ZNF384: variants seen among roughly 807,000 people sequenced by gnomAD.
ZNF384 encodes the protein CAG repeat protein 1.
Under a neutral mutation model 65.0 loss-of-function variants are expected in ZNF384, and 20 were observed. The ratio of observed to expected loss-of-function variants is 0.31; its 90% CI spans 0.22 to 0.45. ZNF384 has a LOEUF of 0.45. ZNF384 is among the 20% of genes least tolerant of loss of function. The pLI is 1.00. For synonymous variants in ZNF384, 310 were observed against 303.9 expected (o/e 1.02, Z -0.21); for missense variants, 549 against 769.4 (o/e 0.71, Z 3.39).
At chr12:6,679,599 TGAAG>T in intron 2 of ZNF384, 74 bp from the exon 3 acceptor site, 9 of 1,202,374 alleles carry the variant, frequency 7.5e-6, no homozygotes, top group Non-Finnish European at 9.7e-6. Flanking sequence ...GAAGGGGAAC[TGAAG>T]AGTTCCTGGT....
intron 2 of ZNF384, 104 bp from the exon 3 acceptor site, chr12:6,679,629 A>C: frequency 1.2e-6 from 1 of 843,390 alleles, no homozygotes; most frequent in Non-Finnish European, 1.9e-6. Context: ...CTGGCACCTG[A>C]TCACATGGCT....
In ZNF384 at chr12:6,669,409, G is replaced by A. The variant is rs967346316; in HGVS notation, c.1267-220C>T. On this transcript the variant is annotated intron_variant, in intron 10 of 11. Transcript: ENST00000683879. ...CAGGATCCCAAGACAGCTTATGCCC[G>A]TCTCACCAGTCCAGTGGTTCTTAAA... is the stretch of plus-strand genomic sequence containing the variant. Among the ~76,000 whole-genome samples the A allele has an allele frequency of 9.2e-5, 14 of 152,136 alleles. No individual in the cohort carries two copies. In the East Asian group the frequency reaches 2.1e-3, roughly 23 times the overall value.
rs942077367 is a variant in ZNF384, at chr12:6,678,603, G to A, written c.352+60C>T. 1.3e-6 allele frequency: 2 copies of A among 1,588,764 alleles called. No homozygotes were observed. Among genetic ancestry groups the A allele is most frequent in the African/African-American group, 1.4e-5 (1 of 72,346 alleles). On this transcript the variant is annotated intron_variant, in intron 5 of 11. Transcript: ENST00000683879. The surrounding 1 kb of genome is among the most constrained non-coding windows in gnomAD (Gnocchi z 4.9). The stretch of plus-strand genomic sequence containing the variant: ...GAGTACACAGGAAATCCCAAACCCT[G>A]TAGAAAAATAATGGTCTCCTAACCC...
intron 2 of ZNF384, among the ~76,000 whole-genome samples, chr12:6,685,935 A>G (rs1025371704): frequency 3.3e-5 from 5 of 152,156 alleles, no homozygotes; most frequent in Non-Finnish European, 5.9e-5. Context: ...TCAAGTATTA[A>G]TAATAGTCGT....
Position 6,667,764 on chromosome 12 carries a change from G to A in ZNF384, c.1777C>T (p.Leu593Phe), listed in dbSNP as rs989391443. The A allele has an allele frequency of 1.2e-6, 2 of 1,614,214 alleles. No homozygotes were observed. The highest frequency in any genetic ancestry group is 1.1e-5 in the South Asian group (1 of 91,090). ...KTAEHHKDIC[L>F]TVTTSTIQVE... ...TGGATGGTGCTGGTGGTGACAGTGA[G>A]GCAGATGTCCTTATGATGCTCCGCC... is the stretch of plus-strand genomic sequence containing the variant. Residue 593 changes from leucine to phenylalanine, a missense_variant, in exon 12 of 12, where the codon CTC becomes TTC. By Grantham distance (22) the Leu-to-Phe change is conservative (BLOSUM62 0). This residue lies in a region of ZNF384 where 136 missense variants were observed against 183.0 expected (regional missense o/e 0.74). Transcript: ENST00000683879.
At chr12:6,676,227 G>A (rs1184574846) in intron 7 of ZNF384, among the ~76,000 whole-genome samples, 3 of 152,136 alleles carry the variant, frequency 2.0e-5, no homozygotes, top group Non-Finnish European at 4.4e-5. Context: ...TTGAACCTGG[G>A]TGGCAGAAGT....
At chr12:6,685,908 AAAG>A (rs1758521371) in intron 2 of ZNF384, among the ~76,000 whole-genome samples, 2 of 152,196 alleles carry the variant, frequency 1.3e-5, no homozygotes, top group South Asian at 4.1e-4. Flanking sequence ...CTCAGGAGAT[AAAG>A]AAGAGAGACA....
At chr12:6,675,920 C>A (rs1379947424) in intron 7 of ZNF384, among the ~76,000 whole-genome samples, 2 of 152,114 alleles carry the variant, frequency 1.3e-5, no homozygotes, top group East Asian at 3.8e-4. Context: ...AACCCAACTG[C>A]CCCAATAGCC....
intron 2 of ZNF384, among the ~76,000 whole-genome samples, chr12:6,684,513 G>A (rs74057084): frequency 0.019 from 2,851 of 152,096 alleles, 108 homozygotes; most frequent in African/African-American, 0.065. Context: ...TAAAGAGGCC[G>A]GACTTTACAA....
In ZNF384 at chr12:6,668,052, C is replaced by G; in HGVS notation, c.1489G>C (p.Ala497Pro). The G allele has an allele frequency of 6.2e-7, 1 of 1,612,892 alleles. No homozygotes were observed. Among genetic ancestry groups the G allele is most frequent in the South Asian group, 1.1e-5 (1 of 90,988 alleles). ...NPPDLQQQVQ[A>P]AAAAAAVAQA... ...GCCACTGCTGCCGCTGCTGCTGCTG[C>G]CTGCACCTGTTGCTGAAGATCAGGC... The change falls in exon 12 of 12, where the codon GCA (alanine) becomes CCA (proline). Residue 497 changes from alanine (A) to proline (P), a missense_variant. Coordinates refer to ENST00000683879, the MANE Select transcript of ZNF384 (RefSeq NM_001385745.1).
At position 6,667,907 on chromosome 12, in the gene ZNF384, TGC is replaced by T. The variant is rs1325396114; in HGVS notation, c.1632_1633del (p.Gln545AlafsTer33). On this transcript the variant is annotated frameshift_variant, in exon 12 of 12. Transcript: ENST00000683879. LOFTEE classifies it high-confidence loss of function. Reference sequence around the variant, plus strand: ...CTGGAAGTGTGGTGGTGGCTGTTGCTGCTGCTGCTGCTGCTGCTGCTGCTGCT... The same window carrying T: ...CTGGAAGTGTGGTGGTGGCTGTTGCTTGCTGCTGCTGCTGCTGCTGCTGCT... 5 of 305,256 alleles carry T rather than the reference TGC, an allele frequency of 1.6e-5. No homozygotes were observed. The highest frequency in any genetic ancestry group is 1.5e-4 in the Admixed American group (1 of 6,848). The allele number at this position is 305,256 out of a possible 1,614,324, so 18.9% of individuals were successfully genotyped here. A position where few individuals can be genotyped will look rare whatever the true frequency, so the allele number is the denominator to read the frequency against.
At position 6,667,981 on chromosome 12, in the gene ZNF384, T is replaced by TTGAGCC. The variant is rs751912868; in HGVS notation, c.1554_1559dup (p.Gln526_Ala527dup). On this transcript the variant is annotated inframe_insertion, in exon 12 of 12. Transcript: ENST00000683879. ...GGGAGGCCTGGGCCTGGGCCTGGGC[T>TTGAGCC]TGAGCCTGAGCCTGAGCCTGGGCTT... 4.5e-5 allele frequency: 72 copies of TTGAGCC among 1,611,920 alleles called. No individual in the cohort carries two copies. The highest frequency in any genetic ancestry group is 4.3e-4 in the African/African-American group (32 of 74,850).
At chr12:6,668,709 A>G (rs1298621031) in intron 11 of ZNF384, among the ~76,000 whole-genome samples, 1 of 151,650 alleles carries the variant, frequency 6.6e-6, no homozygotes, top group Non-Finnish European at 1.5e-5. Flanking sequence ...CTGTGTCTCA[A>G]AAAGAAAAAA....
Position 6,667,976 on chromosome 12 carries a change from T to C in ZNF384, c.1565A>G (p.Gln522Arg). 2 of 1,611,988 alleles carry C rather than the reference T, an allele frequency of 1.2e-6. No homozygotes were observed. The highest frequency in any genetic ancestry group is 2.2e-5 in the South Asian group (2 of 90,860). ...TGCCTGGGAGGCCTGGGCCTGGGCC[T>C]GGGCTTGAGCCTGAGCCTGAGCCTG... is the stretch of plus-strand genomic sequence containing the variant. ...QAQAQAQAQA[Q>R]AQAQASQASQ... Residue 522 changes from glutamine (Q) to arginine (R), a missense_variant, in exon 12 of 12, where the codon CAG (glutamine) becomes CGG (arginine). Transcript: ENST00000683879.
rs142417208 is a variant in ZNF384, at chr12:6,668,990, T to TA, written c.1425+40dup. 3.9e-4 allele frequency: 609 copies of TA among 1,567,890 alleles called. 3 individuals are homozygous for TA. The African/African-American group carries it at 7.1e-3, about 18-fold the overall frequency. On this transcript the variant is annotated intron_variant, in intron 11 of 11. Coordinates refer to ENST00000683879, the MANE Select transcript of ZNF384 (RefSeq NM_001385745.1). ...AATGGGGTGAAGTGGACTGTACTCT[T>TA]AGAGGACTATGAGGAAGGAGAGAAG...
At chr12:6,670,639 T>C in intron 10 of ZNF384, 121 bp downstream of exon 10, 2 of 924,708 alleles carry the variant, frequency 2.2e-6, no homozygotes, top group Non-Finnish European at 3.4e-6. Flanking sequence ...ACAAAAACTC[T>C]TTGGGTCCCT....
chr12:6,683,588 G>A (rs1956849703), intron 2 of ZNF384, among the ~76,000 whole-genome samples: 1 of 144,334 alleles, frequency 6.9e-6, no homozygotes, highest in South Asian at 2.2e-4. Flanking sequence ...TGAGGCAGGA[G>A]AATCACCTGA....
intron 2 of ZNF384, among the ~76,000 whole-genome samples, chr12:6,681,759 A>G (rs974688562): frequency 7.2e-5 from 11 of 152,188 alleles, no homozygotes; most frequent in South Asian, 4.1e-4. Flanking sequence ...TCTATTAAAC[A>G]GCACCCCCAA....
rs754418021 is a variant in ZNF384 at position 6,669,109 on chromosome 12, T to C, written c.1347A>G (p.Leu449=). Residue 449 remains leucine, a synonymous_variant, in exon 11 of 12, where the codon CTA becomes CTG. Coordinates refer to ENST00000683879, the MANE Select transcript of ZNF384 (RefSeq NM_001385745.1). ...CHRAYTDAAS[L]EVHLSTHTVK... The stretch of plus-strand genomic sequence containing the variant: ...CTGTGTGCGTAGACAGGTGCACCTC[T>C]AGTGAGGCTGCATCCGTGTACGCCC... 6.2e-7 allele frequency: 1 copy of C among 1,614,148 alleles called. No individual in the cohort carries two copies. Among genetic ancestry groups the C allele is most frequent in the Non-Finnish European group, 8.5e-7 (1 of 1,179,966 alleles).
Sources: allele counts gnomAD v4.1 joint callset (sites outside exome capture counted in the v4.1 genomes callset), GRCh38; gene constraint gnomAD v4.1.1; regional missense constraint gnomAD v4.1.1; non-coding constraint Gnocchi (gnomAD v3.1); transcripts MANE v1.5; gene names NCBI Gene and HGNC (gene_info 2026-07-23, HGNC 2026-07-21).